The following LINGO2 variants were observed in gnomAD, a reference collection of about 807,000 sequenced individuals.
LINGO2 encodes leucine-rich repeat and immunoglobulin-like domain-containing nogo receptor-interacting protein 2.
LINGO2 carries 14 observed loss-of-function variants against 30.6 expected under a neutral mutation model. The ratio of observed to expected loss-of-function variants is 0.46; its 90% CI spans 0.30 to 0.72. The LOEUF (loss-of-function observed/expected upper bound fraction) is 0.72, where lower values mean the gene tolerates loss of function less well. LINGO2 is among the 30% of genes least tolerant of loss of function. The probability of loss-of-function intolerance (pLI) is 0.07; values close to 1 mark genes in which losing one functional copy is unlikely to be tolerated. For synonymous variants in LINGO2, 317 were observed against 288.5 expected (o/e 1.10, Z -1.00); for missense variants, 729 against 751.7 (o/e 0.97, Z 0.35).
intron 2 of LINGO2, among the ~76,000 whole-genome samples, chr9:28,415,699 T>C (rs1039471124): frequency 3.3e-5 from 5 of 152,194 alleles, no homozygotes; most frequent in African/African-American, 1.2e-4. Context: ...TAACACTTTC[T>C]ATAACAGCAC....
the LINGO2 span, among the ~76,000 whole-genome samples, chr9:29,153,073 T>TA: frequency 6.6e-6 from 1 of 152,104 alleles, no homozygotes; most frequent in African/African-American, 2.4e-5. Context: ...GTGTTAAAAA[T>TA]ATAAAGAAAT....
At chr9:28,079,422 T>G (rs1825714178) in intron 4 of LINGO2, among the ~76,000 whole-genome samples, 1 of 152,120 alleles carries the variant, frequency 6.6e-6, no homozygotes, top group African/African-American at 2.4e-5. Flanking sequence ...TATTTCAGAT[T>G]TTCCACGCTC....
chr9:28,642,510 G>A (rs755542917), intron 1 of LINGO2, among the ~76,000 whole-genome samples: 1 of 152,084 alleles, frequency 6.6e-6, no homozygotes, highest in African/African-American at 2.4e-5. Flanking sequence ...GTTTTTTGGG[G>A]CAAGAGTTAT....
At chr9:28,240,601 T>A (rs1019587119) in intron 4 of LINGO2, among the ~76,000 whole-genome samples, 6 of 152,240 alleles carry the variant, frequency 3.9e-5, no homozygotes, top group African/African-American at 1.4e-4. Flanking sequence ...TGCAGAAGAA[T>A]GAAACTTGAT....
rs796384262 is a variant in LINGO2 at position 28,635,563 on chromosome 9, C to G, written c.-365+34637G>C. Among the ~76,000 whole-genome samples the G allele has an allele frequency of 4.6e-5, 7 of 151,978 alleles. No individual in the cohort carries two copies. The East Asian group carries it at 1.2e-3, about 25-fold the overall frequency. On this transcript the variant is annotated intron_variant, in intron 1 of 5. Coordinates refer to ENST00000379992, the Ensembl canonical transcript of LINGO2. The stretch of plus-strand genomic sequence containing the variant: ...GAAGAGGAAGAGATGGGGGAATCAG[C>G]ACATGGAGGTTAAAACAAGACAGAA...
chr9:29,128,678 T>C, the LINGO2 span, among the ~76,000 whole-genome samples: 6 of 152,102 alleles, frequency 3.9e-5, no homozygotes, highest in Non-Finnish European at 8.8e-5. Flanking sequence ...ACAGCCTTCA[T>C]TGGGTTACCC....
the LINGO2 span, among the ~76,000 whole-genome samples, chr9:29,150,039 C>T: frequency 6.6e-6 from 1 of 152,202 alleles, no homozygotes; most frequent in African/African-American, 2.4e-5. Context: ...CCCTACTCCA[C>T]CACAGAGTGC....
the LINGO2 span, among the ~76,000 whole-genome samples, chr9:29,028,427 G>GGC: frequency 8.1e-6 from 1 of 123,876 alleles, no homozygotes; most frequent in Non-Finnish European, 1.6e-5. Flanking sequence ...TGTGGGGGGG[G>GGC]GTGAGAGAGA....
the LINGO2 span, among the ~76,000 whole-genome samples, chr9:29,161,839 T>C: frequency 6.6e-6 from 1 of 152,116 alleles, no homozygotes; most frequent in East Asian, 1.9e-4. Flanking sequence ...ATATACCATA[T>C]TAGTGCTATT....
chr9:28,575,373 C>T lies in LINGO2; in HGVS notation c.-365+94827G>A, dbSNP rs1416413008. Among the ~76,000 whole-genome samples, 9 of 145,522 alleles carry T rather than the reference C, an allele frequency of 6.2e-5. No homozygotes were observed. The Middle Eastern group carries it at 0.011, about 172-fold the overall frequency. ...AAGATTGTGCCACTGCACTCCAGCC[C>T]GGGTGACAGACAGACTCCGTCTCAA... On this transcript the variant is annotated intron_variant, in intron 1 of 5. Coordinates refer to ENST00000379992, the Ensembl canonical transcript of LINGO2.
intron 3 of LINGO2, among the ~76,000 whole-genome samples, chr9:28,335,798 G>A (rs1825570676): frequency 6.6e-6 from 1 of 152,012 alleles, no homozygotes; most frequent in East Asian, 1.9e-4. Flanking sequence ...GAGTAATATT[G>A]GCATGGATGT....
At chr9:28,307,449 T>C (rs1824415320) in intron 3 of LINGO2, among the ~76,000 whole-genome samples, 1 of 152,182 alleles carries the variant, frequency 6.6e-6, no homozygotes, top group South Asian at 2.1e-4. Context: ...AAGAGCTATC[T>C]ATGACAAACC....
At chr9:28,849,282 TGTAA>T in the LINGO2 span, among the ~76,000 whole-genome samples, 8 of 152,154 alleles carry the variant, frequency 5.3e-5, no homozygotes, top group Non-Finnish European at 7.4e-5. Flanking sequence ...TTGTATCTGC[TGTAA>T]GTAAGTCCCT....
At chr9:29,028,427 G>GCGGT in the LINGO2 span, among the ~76,000 whole-genome samples, 1 of 123,964 alleles carries the variant, frequency 8.1e-6, no homozygotes, top group Non-Finnish European at 1.6e-5. Flanking sequence ...TGTGGGGGGG[G>GCGGT]GTGAGAGAGA....
intron 4 of LINGO2, among the ~76,000 whole-genome samples, chr9:28,162,032 A>G (rs1321143907): frequency 6.6e-6 from 1 of 152,144 alleles, no homozygotes; most frequent in Admixed American, 6.5e-5. Context: ...TGATTTCAAA[A>G]TTTCTTTGAA....
chr9:28,558,732 A>G (rs746609953), intron 1 of LINGO2, among the ~76,000 whole-genome samples: 1 of 151,998 alleles, frequency 6.6e-6, no homozygotes, highest in African/African-American at 2.4e-5. Flanking sequence ...TTTAGCAGAA[A>G]GAAAGAAAGA....
chr9:28,201,201 A>G (rs1395459414), intron 4 of LINGO2, among the ~76,000 whole-genome samples: 1 of 147,464 alleles, frequency 6.8e-6, no homozygotes. Context: ...AGCATTAGGT[A>G]TATCTCCCAA....
chr9:29,160,839 T>A, the LINGO2 span, among the ~76,000 whole-genome samples: 3 of 152,240 alleles, frequency 2.0e-5, no homozygotes, highest in African/African-American at 7.2e-5. Context: ...CAGGCCTGCA[T>A]GACTCAGTGA....
chr9:28,055,671 CAA>C (rs774116228), intron 4 of LINGO2, among the ~76,000 whole-genome samples: 1 of 152,000 alleles, frequency 6.6e-6, no homozygotes, highest in African/African-American at 2.4e-5. Flanking sequence ...GCTAGATTGT[CAA>C]AAAACAAAAT....
Sources: gnomAD v4.1 joint callset for allele counts (sites outside exome capture counted in the v4.1 genomes callset) on GRCh38, gnomAD v4.1.1 for gene constraint, MANE v1.5 for transcripts, NCBI Gene and HGNC (gene_info 2026-07-23, HGNC 2026-07-21) for gene names.